Variants in FBN2 observed in about 807,000 individuals in gnomAD.
The protein encoded by FBN2 is fibrillin-2.
In FBN2, 105 loss-of-function variants were observed where a neutral mutation model predicts 355.6. The ratio of observed to expected loss-of-function variants is 0.30; its 90% CI spans 0.25 to 0.35. The LOEUF (loss-of-function observed/expected upper bound fraction) is 0.35. FBN2 is among the 10% of genes least tolerant of loss of function. The pLI is 1.00. For synonymous variants in FBN2, 1,350 were observed against 1,301.2 expected (o/e 1.04, Z -0.81); for missense variants, 3,280 against 3,758.7 (o/e 0.87, Z 3.33).
At position 128,311,842 on chromosome 5, in the gene FBN2, T is replaced by C. The variant is rs1256034723; in HGVS notation, c.4948+43A>G. On this transcript the variant is annotated intron_variant, in intron 38 of 64. Coordinates refer to ENST00000262464, the MANE Select transcript of FBN2 (RefSeq NM_001999.4). ...CTGCCAGCTTTTCTCTATAATTAAC[T>C]CTTTACCTTGTTTGAATCTGGGTGA... 2.1e-6 allele frequency: 3 copies of C among 1,439,434 alleles called. No homozygotes were observed. The East Asian group carries it at 6.8e-5, about 33-fold the overall frequency. 89.2% of individuals were successfully genotyped at this position (1,439,434 alleles called of 1,614,324 possible).
At chr5:128,325,409 T>G (rs932061618) in intron 34 of FBN2, among the ~76,000 whole-genome samples, 2 of 152,258 alleles carry the variant, frequency 1.3e-5, no homozygotes, top group African/African-American at 4.8e-5. Flanking sequence ...GTCTGTCTTA[T>G]CAGAGACTAA....
At chr5:128,533,099 T>G (rs1396174148) in intron 2 of FBN2, among the ~76,000 whole-genome samples, 1 of 152,188 alleles carries the variant, frequency 6.6e-6, no homozygotes, top group Non-Finnish European at 1.5e-5. Context: ...ATAAAAATAT[T>G]TTAGGCAAGA....
At chr5:128,510,687 A>C (rs1756089225) in intron 5 of FBN2, among the ~76,000 whole-genome samples, 2 of 152,208 alleles carry the variant, frequency 1.3e-5, no homozygotes, top group Admixed American at 1.3e-4. Flanking sequence ...CATAATCTGA[A>C]ATACATATAT....
chr5:128,531,961 A>T (rs746169567), intron 2 of FBN2, among the ~76,000 whole-genome samples: 25 of 152,190 alleles, frequency 1.6e-4, no homozygotes, highest in Admixed American at 1.3e-4. Flanking sequence ...TAAAATGCAG[A>T]ATTCACCCAG....
chr5:128,296,055 G>A (rs1166752218), intron 48 of FBN2, among the ~76,000 whole-genome samples: 12 of 152,130 alleles, frequency 7.9e-5, no homozygotes, highest in Non-Finnish European at 1.0e-4. Flanking sequence ...AAGCACTGTT[G>A]AATTTTGTCA....
At chr5:128,309,118 A>G in intron 41 of FBN2, 129 bp downstream of exon 41, 2 of 895,182 alleles carry the variant, frequency 2.2e-6, no homozygotes, top group Admixed American at 4.0e-5. Context: ...ACAGAACCAT[A>G]TGATGCTCTT....
intron 5 of FBN2, among the ~76,000 whole-genome samples, chr5:128,510,999 A>C (rs1756113918): frequency 2.6e-5 from 4 of 152,146 alleles, no homozygotes; most frequent in Admixed American, 2.6e-4. Flanking sequence ...TCATGGTGTT[A>C]TGTTAAAAAA....
At chr5:128,438,971 C>T (rs1187603244) in intron 7 of FBN2, among the ~76,000 whole-genome samples, 1 of 152,134 alleles carries the variant, frequency 6.6e-6, no homozygotes, top group Non-Finnish European at 1.5e-5. Context: ...AACACACACA[C>T]ATACACACAC....
chr5:128,433,879 A>G (rs900795179), intron 7 of FBN2, among the ~76,000 whole-genome samples: 1 of 152,156 alleles, frequency 6.6e-6, no homozygotes, highest in African/African-American at 2.4e-5. Flanking sequence ...CTCTAGGAAA[A>G]TCAAAGCTTA....
rs199583859 is a variant in FBN2, at chr5:128,276,136, G to A, written c.7496C>T (p.Pro2499Leu). Residue 2499 changes from proline to leucine, a missense_variant, in exon 59 of 65, where the codon CCG becomes CTG. Physicochemically the swap from Pro to Leu is moderately conservative, Grantham distance 98. Around this residue, in one of 6 missense-constraint regions of FBN2, gnomAD observed 2,284 missense variants for 2,749.5 expected, o/e 0.83. Coordinates refer to ENST00000262464, the MANE Select transcript of FBN2 (RefSeq NM_001999.4). ...CIDLDECSQSPKPCNYICKNT... is the reference protein window; with the variant it reads ...CIDLDECSQSLKPCNYICKNT... ...CTTGCAGATGTAGTTGCATGGTTTC[G>A]GGGACTGGGAGCATTCATCAAGGTC... 2.0e-5 allele frequency: 32 copies of A among 1,613,480 alleles called. No homozygotes were observed. The highest frequency in any genetic ancestry group is 2.7e-5 in the Non-Finnish European group (32 of 1,179,642).
intron 4 of FBN2, among the ~76,000 whole-genome samples, chr5:128,522,478 A>C (rs144129501): frequency 0.014 from 2,062 of 152,294 alleles, 18 homozygotes; most frequent in Middle Eastern, 0.02. Context: ...TGAGGACTAA[A>C]TAAAATAGCA....
intron 23 of FBN2, 50 bp downstream of exon 23, chr5:128,349,297 A>T (rs1489432560): frequency 6.2e-7 from 1 of 1,611,934 alleles, no homozygotes; most frequent in Non-Finnish European, 8.5e-7. Context: ...TTAAACAAGG[A>T]AATTCATGGC....
chr5:128,485,766 AGAGGAAGG>A (rs1333789995), intron 5 of FBN2, among the ~76,000 whole-genome samples: 1 of 152,160 alleles, frequency 6.6e-6, no homozygotes, highest in Non-Finnish European at 1.5e-5. Flanking sequence ...TCTTTTTAAA[AGAGGAAGG>A]GAGGAAGGGC....
At chr5:128,267,522 C>T (rs1018701280) in intron 62 of FBN2, among the ~76,000 whole-genome samples, 3 of 152,108 alleles carry the variant, frequency 2.0e-5, no homozygotes, top group African/African-American at 7.2e-5. Flanking sequence ...TTCTAACTGG[C>T]ATGAGATGGT....
intron 7 of FBN2, 32 bp from the exon 8 acceptor site, chr5:128,408,831 G>C (rs1439561245): frequency 1.2e-6 from 2 of 1,613,110 alleles, no homozygotes; most frequent in Non-Finnish European, 1.7e-6. Context: ...AGATGATTGA[G>C]AAAGGCCTTC....
chr5:128,514,415 T>G (rs1222950259), intron 5 of FBN2, among the ~76,000 whole-genome samples: 2 of 152,176 alleles, frequency 1.3e-5, no homozygotes, highest in African/African-American at 4.8e-5. Flanking sequence ...GTATTTACTG[T>G]GTCTTATTGC....
intron 20 of FBN2, among the ~76,000 whole-genome samples, chr5:128,351,851 C>T (rs1288670990): frequency 6.6e-6 from 1 of 151,050 alleles, no homozygotes; most frequent in Non-Finnish European, 1.5e-5. Flanking sequence ...CAGGCATGAG[C>T]CAGTGCGCCC....
At chr5:128,402,450 TC>T (rs1752822216) in intron 8 of FBN2, among the ~76,000 whole-genome samples, 1 of 152,174 alleles carries the variant, frequency 6.6e-6, no homozygotes, top group African/African-American at 2.4e-5. Context: ...GTAATTCATC[TC>T]CTCTGATTAA....
chr5:128,492,440 T>C (rs926947935), intron 5 of FBN2, among the ~76,000 whole-genome samples: 3 of 152,230 alleles, frequency 2.0e-5, no homozygotes, highest in East Asian at 1.9e-4. Flanking sequence ...ATAACTATCA[T>C]GGAACTATTT....
Sources: gnomAD v4.1 joint callset for allele counts (sites outside exome capture counted in the v4.1 genomes callset) on GRCh38, gnomAD v4.1.1 for gene constraint, gnomAD v4.1.1 regional missense constraint, MANE v1.5 for transcripts, NCBI Gene and HGNC (gene_info 2026-07-23, HGNC 2026-07-21) for gene names.